ZBTB11: variants seen among roughly 807,000 people sequenced by gnomAD.
ZBTB11 encodes the protein zinc finger and BTB domain containing 11.
A neutral mutation model predicts 113.1 loss-of-function variants in ZBTB11; 68 were observed. The ratio of observed to expected loss-of-function variants is 0.60; its 90% CI spans 0.49 to 0.74. The LOEUF is 0.74. ZBTB11 is among the 30% of genes least tolerant of loss of function. The probability of loss-of-function intolerance (pLI) is 0.00; values close to 1 mark genes in which losing one functional copy is unlikely to be tolerated. For synonymous variants in ZBTB11, 518 were observed against 452.6 expected (o/e 1.14, Z -1.83); for missense variants, 1,104 against 1,279.4 (o/e 0.86, Z 2.09).
Position 101,665,075 on chromosome 3 carries a change from T to A in ZBTB11, c.1512A>T (p.Arg504Ser). 1 of 1,614,168 alleles carries A rather than the reference T, an allele frequency of 6.2e-7. No individual in the cohort carries two copies. The highest frequency in any genetic ancestry group is 8.5e-7 in the Non-Finnish European group (1 of 1,180,024). Residue 504 changes from arginine (R) to serine (S), a missense_variant, in exon 4 of 11, where the codon AGA becomes AGT. Physicochemically the swap from Arg to Ser is moderately radical, Grantham distance 110. Coordinates refer to ENST00000312938, the MANE Select transcript of ZBTB11 (RefSeq NM_014415.4). ...TDFGPDDDTY[R>S]SRLRQRSVNE... The stretch of plus-strand genomic sequence containing the variant: ...TAACAGAACGTTGTCGAAGCCTGCT[T>A]CTATAAGTATCATCATCAGGGCCAA...
rs957528065 is a variant in ZBTB11 at position 101,654,044 on chromosome 3, T to C, written c.2309+660A>G. Among the ~76,000 whole-genome samples the C allele has an allele frequency of 1.0e-4, 15 of 143,246 alleles. No individual in the cohort carries two copies. In the South Asian group the frequency reaches 1.3e-3, roughly 13 times the overall value. The allele number at this position is 143,246 out of a possible 152,430, so 94.0% of individuals were successfully genotyped here. Reference sequence around the variant, plus strand: ...GCCCACACTACCACCCTAAAATGACTTTTTTTTTTTTTTGAGGCGGAGACT... The same window carrying C: ...GCCCACACTACCACCCTAAAATGACCTTTTTTTTTTTTTGAGGCGGAGACT... On this transcript the variant is annotated intron_variant, in intron 8 of 10. Transcript: ENST00000312938.
intron 1 of ZBTB11, among the ~76,000 whole-genome samples, chr3:101,675,656 C>G (rs1937152880): frequency 6.6e-6 from 1 of 152,174 alleles, no homozygotes; most frequent in African/African-American, 2.4e-5. Flanking sequence ...AACTGGTTCC[C>G]AAGGAGTCAA....
intron 7 of ZBTB11, among the ~76,000 whole-genome samples, chr3:101,655,454 A>G (rs1032444812): frequency 1.8e-4 from 27 of 152,336 alleles, no homozygotes; most frequent in African/African-American, 5.3e-4. Context: ...ACATCTAAAA[A>G]TAAGTATGTA....
Position 101,671,971 on chromosome 3 carries a change from C to T in ZBTB11, c.546+7G>A. ...AATCTTAAAGCTGACTGGAGAGTAC[C>T]ACTTACAAACACAAGTTCATGTTTG... On this transcript the variant is annotated splice_region_variant and intron_variant, in intron 2 of 10. Coordinates refer to ENST00000312938, the MANE Select transcript of ZBTB11 (RefSeq NM_014415.4). 1 of 1,605,420 alleles carries T rather than the reference C, an allele frequency of 6.2e-7. No homozygotes were observed. The highest frequency in any genetic ancestry group is 8.5e-7 in the Non-Finnish European group (1 of 1,172,056).
At chr3:101,657,692 A>G (rs1936822819) in intron 6 of ZBTB11, among the ~76,000 whole-genome samples, 1 of 151,756 alleles carries the variant, frequency 6.6e-6, no homozygotes, top group Non-Finnish European at 1.5e-5. Flanking sequence ...AATATAAAAA[A>G]CCTCACTGGA....
At position 101,676,977 on chromosome 3, in the gene ZBTB11, A is replaced by G. The variant is rs962068890; in HGVS notation, c.-63T>C. On this transcript the variant is annotated 5_prime_UTR_variant, in exon 1 of 11. Coordinates refer to ENST00000312938, the MANE Select transcript of ZBTB11 (RefSeq NM_014415.4). The stretch of plus-strand genomic sequence containing the variant: ...AGGTGAGGAAAACGGCCCGCTACCT[A>G]CGGGCGGCTGCAGGAGGAGCGGCGG... 15 of 1,480,108 alleles carry G rather than the reference A, an allele frequency of 1.0e-5. No individual in the cohort carries two copies. The African/African-American group carries it at 1.4e-4, about 14-fold the overall frequency. The allele number at this position is 1,480,108 out of a possible 1,614,324, so 91.7% of individuals were successfully genotyped here. A position where few individuals can be genotyped will look rare whatever the true frequency, so the allele number is the denominator to read the frequency against.
rs1370663562 is a variant in ZBTB11, at chr3:101,675,699, A to G, written c.310+906T>C. ...CAGAGCTGTATTTTTTGACAATCAA[A>G]AAGTCACAGTAATCGTACCTTTTCT... On this transcript the variant is annotated intron_variant, in intron 1 of 10. Coordinates refer to ENST00000312938, the MANE Select transcript of ZBTB11 (RefSeq NM_014415.4). 2.0e-5 allele frequency among the ~76,000 whole-genome samples: 3 copies of G among 152,356 alleles called. No individual in the cohort carries two copies. The South Asian group carries it at 6.2e-4, about 32-fold the overall frequency.
At position 101,648,920 on chromosome 3, in the gene ZBTB11, A is replaced by C. The variant is rs1936648971; in HGVS notation, c.*2246T>G. 6.6e-6 allele frequency: 1 copy of C among 152,188 alleles called. No individual in the cohort carries two copies. Among genetic ancestry groups the C allele is most frequent in the Non-Finnish European group, 1.5e-5 (1 of 68,056 alleles). 9.4% of individuals were successfully genotyped at this position (152,188 alleles called of 1,614,324 possible). A position where few individuals can be genotyped will look rare whatever the true frequency, so the allele number is the denominator to read the frequency against. On this transcript the variant is annotated 3_prime_UTR_variant, in exon 11 of 11. Coordinates refer to ENST00000312938, the MANE Select transcript of ZBTB11 (RefSeq NM_014415.4). Reference sequence around the variant, plus strand: ...AGGAAGAATCAGGTCACATGGACAAATTGAAGGATGGTAAATGCAGGGGAT... The same window carrying C: ...AGGAAGAATCAGGTCACATGGACAACTTGAAGGATGGTAAATGCAGGGGAT...
intron 1 of ZBTB11, among the ~76,000 whole-genome samples, chr3:101,675,298 G>A (rs372547727): frequency 6.6e-6 from 1 of 152,206 alleles, no homozygotes; most frequent in Middle Eastern, 3.4e-3. Flanking sequence ...TTTAATCTTC[G>A]CATTTGTCTG....
intron 1 of ZBTB11, among the ~76,000 whole-genome samples, chr3:101,672,813 A>G (rs1489911507): frequency 6.6e-6 from 1 of 152,238 alleles, no homozygotes; most frequent in East Asian, 1.9e-4. Context: ...TGATTTGCAC[A>G]CATGTGATGT....
Position 101,650,210 on chromosome 3 carries a change from T to C in ZBTB11, c.*956A>G, listed in dbSNP as rs1168431822. The C allele has an allele frequency of 1.3e-5, 2 of 152,200 alleles. No individual in the cohort carries two copies. Among genetic ancestry groups the C allele is most frequent in the Non-Finnish European group, 1.5e-5 (1 of 68,012 alleles). 9.4% of individuals were successfully genotyped at this position (152,200 alleles called of 1,614,324 possible). A position where few individuals can be genotyped will look rare whatever the true frequency, so the allele number is the denominator to read the frequency against. ...CACAGAGCTGCTGTGAATGTCTATATTGCTATCTGATTTCTCAACTGCAGT... is the reference window on the plus strand; with the variant it reads ...CACAGAGCTGCTGTGAATGTCTATACTGCTATCTGATTTCTCAACTGCAGT... On this transcript the variant is annotated 3_prime_UTR_variant, in exon 11 of 11. Coordinates refer to ENST00000312938, the MANE Select transcript of ZBTB11 (RefSeq NM_014415.4).
intron 8 of ZBTB11, among the ~76,000 whole-genome samples, chr3:101,653,987 A>G (rs924480629): frequency 2.0e-5 from 3 of 152,072 alleles, no homozygotes; most frequent in African/African-American, 7.2e-5. Context: ...CCTGTCTCCA[A>G]AAGTGCTGGA....
intron 6 of ZBTB11, among the ~76,000 whole-genome samples, chr3:101,657,057 C>T (rs1936810929): frequency 4.1e-5 from 6 of 146,888 alleles, no homozygotes. Context: ...AGGAGAATCA[C>T]TTGAACCCAG....
chr3:101,658,054 A>G (rs1183073995), intron 6 of ZBTB11, among the ~76,000 whole-genome samples: 1 of 152,170 alleles, frequency 6.6e-6, no homozygotes, highest in Non-Finnish European at 1.5e-5. Flanking sequence ...ACAACAGCAC[A>G]ATTCAGTTGC....
chr3:101,668,225 G>C (rs1937027227), intron 3 of ZBTB11, among the ~76,000 whole-genome samples: 1 of 152,060 alleles, frequency 6.6e-6, no homozygotes, highest in Non-Finnish European at 1.5e-5. Flanking sequence ...GGGGAGTATA[G>C]GAGGAGGTTG....
intron 5 of ZBTB11, among the ~76,000 whole-genome samples, chr3:101,661,308 T>C (rs189634276): frequency 2.0e-5 from 3 of 152,160 alleles, no homozygotes; most frequent in African/African-American, 7.2e-5. Context: ...GGCTTCATCC[T>C]GGGATCCCCT....
At position 101,665,524 on chromosome 3, in the gene ZBTB11, G is replaced by A. The variant is rs2108323702; in HGVS notation, c.1063C>T (p.Pro355Ser). Residue 355 changes from proline to serine, a missense_variant, in exon 4 of 11, where the codon CCT (proline) becomes TCT (serine). Physicochemically the swap from Pro to Ser is moderately conservative, Grantham distance 74. Transcript: ENST00000312938. ...ATTTCACAATCCCCAAGTTCAGTAGGTAAACTTGTTGTGGTTCCCTCACTG... is the reference window on the plus strand; with the variant it reads ...ATTTCACAATCCCCAAGTTCAGTAGATAAACTTGTTGTGGTTCCCTCACTG... ...ASSEGTTTSL[P>S]TELGDCEIVL... is the part of the protein sequence containing the mutation. 1 of 1,614,196 alleles carries A rather than the reference G, an allele frequency of 6.2e-7. No homozygotes were observed. The highest frequency in any genetic ancestry group is 8.5e-7 in the Non-Finnish European group (1 of 1,180,034).
In ZBTB11 at chr3:101,650,996, T is replaced by C. The variant is rs1343851157; in HGVS notation, c.*170A>G. ...TCAATTTCTCTACACTAAACGGACTTTTCTATAGAACCCATTGGCCAGACA... is the reference window on the plus strand; with the variant it reads ...TCAATTTCTCTACACTAAACGGACTCTTCTATAGAACCCATTGGCCAGACA... On this transcript the variant is annotated 3_prime_UTR_variant, in exon 11 of 11. Transcript: ENST00000312938. 4.5e-6 allele frequency: 3 copies of C among 668,088 alleles called. No individual in the cohort carries two copies. Among genetic ancestry groups the C allele is most frequent in the African/African-American group, 1.8e-5 (1 of 54,734 alleles). The allele number at this position is 668,088 out of a possible 1,614,324, so 41.4% of individuals were successfully genotyped here.
chr3:101,667,654 G>A (rs1021813100), intron 3 of ZBTB11, among the ~76,000 whole-genome samples: 23 of 152,122 alleles, frequency 1.5e-4, no homozygotes, highest in Admixed American at 1.4e-3. Context: ...TCCTAGGAAA[G>A]CTAATTCTTT....
Sources: allele counts gnomAD v4.1 joint callset (sites outside exome capture counted in the v4.1 genomes callset), GRCh38; gene constraint gnomAD v4.1.1; transcripts MANE v1.5; gene names NCBI Gene and HGNC (gene_info 2026-07-23, HGNC 2026-07-21).